HCRTR2: variants seen among roughly 807,000 people sequenced by gnomAD.
The protein encoded by HCRTR2 is hypocretin receptor 2, also known as orexin receptor type 2.
In HCRTR2, 22 loss-of-function variants were observed where a neutral mutation model predicts 49.0. The ratio of observed to expected loss-of-function variants is 0.45; its 90% CI spans 0.32 to 0.64. The LOEUF (loss-of-function observed/expected upper bound fraction) is 0.64, where lower values mean the gene tolerates loss of function less well. HCRTR2 is among the 30% of genes least tolerant of loss of function. HCRTR2 has a pLI of 0.04. For missense variants in HCRTR2, 491 were observed against 559.4 expected (o/e 0.88, Z 1.23); for synonymous variants, 236 against 205.3 (o/e 1.15, Z -1.28).
intron 2 of HCRTR2, among the ~76,000 whole-genome samples, chr6:55,250,842 G>C (rs1373612057): frequency 1.3e-5 from 2 of 152,090 alleles, no homozygotes; most frequent in Non-Finnish European, 2.9e-5. Flanking sequence ...TTCCTTAGCT[G>C]CTCCTCTTCT....
At chr6:55,217,433 C>T (rs1266915504) in intron 1 of HCRTR2, among the ~76,000 whole-genome samples, 1 of 152,116 alleles carries the variant, frequency 6.6e-6, no homozygotes, top group African/African-American at 2.4e-5. Flanking sequence ...AGTAACCACA[C>T]AGCCAAAAGT....
intron 1 of HCRTR2, among the ~76,000 whole-genome samples, chr6:55,202,774 GT>G (rs1489532703): frequency 6.6e-6 from 1 of 152,020 alleles, no homozygotes; most frequent in Non-Finnish European, 1.5e-5. Flanking sequence ...GCCGGGGGAG[GT>G]TGGTAAACAT....
chr6:55,133,630 A>G (rs1438103428), intron 1 of HCRTR2, among the ~76,000 whole-genome samples: 2 of 151,058 alleles, frequency 1.3e-5, no homozygotes, highest in African/African-American at 2.4e-5. Flanking sequence ...AGACATAGCT[A>G]TATATCTACA....
chr6:55,223,912 C>T (rs936635928), intron 1 of HCRTR2, among the ~76,000 whole-genome samples: 2 of 152,272 alleles, frequency 1.3e-5, no homozygotes, highest in South Asian at 4.1e-4. Context: ...TTAATGGCAG[C>T]AATCTGCATG....
chr6:55,282,264 G>A lies in HCRTR2; in HGVS notation c.1145G>A (p.Cys382Tyr), dbSNP rs1188653549. The change falls in exon 7 of 7, where the codon TGT becomes TAT. Residue 382 changes from cysteine to tyrosine, a missense_variant. Transcript: ENST00000370862. ...GAATTTAAAGCTGCGTTTTCTTGCT[G>A]TTGCCTTGGAGTTCACCATCGCCAG... ...REEFKAAFSCCCLGVHHRQED... is the reference protein window; with the variant it reads ...REEFKAAFSCYCLGVHHRQED... 8 of 1,613,810 alleles carry A rather than the reference G, an allele frequency of 5.0e-6. No homozygotes were observed. In the East Asian group the frequency reaches 1.3e-4, roughly 27 times the overall value.
intron 1 of HCRTR2, among the ~76,000 whole-genome samples, chr6:55,219,858 A>G (rs1318735845): frequency 6.6e-6 from 1 of 152,038 alleles, no homozygotes; most frequent in African/African-American, 2.4e-5. Flanking sequence ...TAAATAAAAA[A>G]GGAGCTATTG....
chr6:55,145,204 A>G (rs1186585681), intron 1 of HCRTR2, among the ~76,000 whole-genome samples: 1 of 152,146 alleles, frequency 6.6e-6, no homozygotes, highest in Admixed American at 6.5e-5. Flanking sequence ...CAGACCCTAA[A>G]TGGTCTTAGT....
chr6:55,232,593 T>A (rs991430294), intron 1 of HCRTR2, among the ~76,000 whole-genome samples: 1 of 152,156 alleles, frequency 6.6e-6, no homozygotes, highest in Non-Finnish European at 1.5e-5. Flanking sequence ...TCAGCAAAAA[T>A]TTGTTAAATA....
chr6:55,155,631 A>G (rs1202194273), intron 1 of HCRTR2, among the ~76,000 whole-genome samples: 3 of 152,068 alleles, frequency 2.0e-5, no homozygotes, highest in African/African-American at 7.2e-5. Context: ...AGAGCTATTC[A>G]TCATAGAGGT....
Position 55,126,285 on chromosome 6 carries a change from C to T in HCRTR2, c.-378+19740C>T, listed in dbSNP as rs578254988. The stretch of plus-strand genomic sequence containing the variant: ...TACCTTTGGTCTTTGATGTGGGTGA[C>T]CTTTGAATGGAGTCTTTGAGTGAGC... On this transcript the variant is annotated intron_variant, in intron 1 of 7. Transcript: ENST00000615358. Among the ~76,000 whole-genome samples the T allele has an allele frequency of 2.6e-5, 4 of 152,018 alleles. No individual in the cohort carries two copies. In the South Asian group the frequency reaches 8.3e-4, roughly 32 times the overall value.
chr6:55,120,860 C>G (rs1368926996), intron 1 of HCRTR2, among the ~76,000 whole-genome samples: 6 of 151,978 alleles, frequency 3.9e-5, no homozygotes, highest in Non-Finnish European at 2.9e-5. Context: ...CAGTACCATG[C>G]TGTTTTGCTT....
At chr6:55,181,899 A>G (rs1390014794) in intron 1 of HCRTR2, among the ~76,000 whole-genome samples, 1 of 152,218 alleles carries the variant, frequency 6.6e-6, no homozygotes, top group Non-Finnish European at 1.5e-5. Context: ...AATAATTTCG[A>G]TGTTTTAATT....
chr6:55,238,152 T>C (rs541724889), intron 1 of HCRTR2, among the ~76,000 whole-genome samples: 2 of 152,200 alleles, frequency 1.3e-5, no homozygotes, highest in Non-Finnish European at 1.5e-5. Flanking sequence ...TTCTATCTAC[T>C]CTTACAAAGC....
chr6:55,278,478 CAGA>C (rs1485464309), intron 5 of HCRTR2, among the ~76,000 whole-genome samples: 1 of 152,114 alleles, frequency 6.6e-6, no homozygotes, highest in East Asian at 1.9e-4. Flanking sequence ...TGGCTGGAGT[CAGA>C]AGAAGTGGTA....
chr6:55,253,762 C>A (rs1354248701), intron 2 of HCRTR2, among the ~76,000 whole-genome samples: 1 of 152,088 alleles, frequency 6.6e-6, no homozygotes, highest in African/African-American at 2.4e-5. Flanking sequence ...TTATCCTTAG[C>A]AAACAAATGC....
chr6:55,129,267 C>T (rs751863916), intron 1 of HCRTR2, among the ~76,000 whole-genome samples: 11 of 152,186 alleles, frequency 7.2e-5, no homozygotes, highest in Non-Finnish European at 1.6e-4. Context: ...ATCATATCCC[C>T]TTGTGTTTTC....
chr6:55,237,317 T>G (rs756178399), intron 1 of HCRTR2, among the ~76,000 whole-genome samples: 2 of 152,178 alleles, frequency 1.3e-5, no homozygotes, highest in African/African-American at 2.4e-5. Context: ...CAGCAGCTAG[T>G]GTTGGGACAG....
intron 3 of HCRTR2, among the ~76,000 whole-genome samples, chr6:55,261,225 C>A (rs1161894308): frequency 1.3e-5 from 2 of 151,936 alleles, no homozygotes; most frequent in Non-Finnish European, 2.9e-5. Context: ...CTACAGGGAA[C>A]TCAAACAAAT....
intron 3 of HCRTR2, among the ~76,000 whole-genome samples, chr6:55,255,830 T>C (rs1766642563): frequency 6.6e-6 from 1 of 152,212 alleles, no homozygotes. Flanking sequence ...ATGTCCTGGA[T>C]CACATGGTCC....
Sources: allele counts gnomAD v4.1 joint callset (sites outside exome capture counted in the v4.1 genomes callset), GRCh38; gene constraint gnomAD v4.1.1; transcripts MANE v1.5; gene names NCBI Gene and HGNC (gene_info 2026-07-23, HGNC 2026-07-21).